Variants in HYCC1 observed in about 807,000 individuals in gnomAD.
The protein encoded by HYCC1 is hyccin PI4KA lipid kinase complex subunit 1.
At chr7:22,993,643 A>C in the HYCC1 span, among the ~76,000 whole-genome samples, 1 of 152,118 alleles carries the variant, frequency 6.6e-6, no homozygotes. Context: ...GTTAGTCATC[A>C]GGGAAATGTC....
the HYCC1 span, among the ~76,000 whole-genome samples, chr7:22,969,524 G>T: frequency 5.2e-3 from 517 of 99,122 alleles, 2 homozygotes; most frequent in African/African-American, 0.015. Flanking sequence ...GTTTTTTTTT[G>T]GTTTTTTTTT....
chr7:22,959,682 A>G, the HYCC1 span, among the ~76,000 whole-genome samples: 1 of 152,150 alleles, frequency 6.6e-6, no homozygotes, highest in Admixed American at 6.6e-5. Context: ...AGTGAATGAA[A>G]ATGACTTCCA....
the HYCC1 span, among the ~76,000 whole-genome samples, chr7:23,002,163 TATATATATATATAC>T: frequency 6.4e-3 from 421 of 65,352 alleles, 2 homozygotes; most frequent in Non-Finnish European, 9.1e-3. Flanking sequence ...TATATATATA[TATATATATATATAC>T]ATATAGTTTG....
At chr7:22,961,379 T>C in the HYCC1 span, 14 of 981,102 alleles carry the variant, frequency 1.4e-5, no homozygotes, top group Middle Eastern at 3.2e-4. Flanking sequence ...CTGAACAAAA[T>C]ACAATGAGAA....
At chr7:22,992,024 T>C in the HYCC1 span, among the ~76,000 whole-genome samples, 1 of 152,076 alleles carries the variant, frequency 6.6e-6, no homozygotes. Context: ...AAAATAGGGA[T>C]AATGACAGTA....
chr7:22,997,208 G>C, the HYCC1 span, among the ~76,000 whole-genome samples: 1 of 151,954 alleles, frequency 6.6e-6, no homozygotes, highest in African/African-American at 2.4e-5. Context: ...TGTCATCAGA[G>C]ACATATAACA....
the HYCC1 span, among the ~76,000 whole-genome samples, chr7:22,975,052 T>A: frequency 6.6e-6 from 1 of 152,230 alleles, no homozygotes; most frequent in African/African-American, 2.4e-5. Context: ...GTCTCGGGTA[T>A]TTCTTCATAG....
At chr7:22,951,035 A>G in the HYCC1 span, among the ~76,000 whole-genome samples, 1 of 151,998 alleles carries the variant, frequency 6.6e-6, no homozygotes, top group South Asian at 2.1e-4. Flanking sequence ...TAGAAATGAA[A>G]GTTAAAGAAT....
the HYCC1 span, among the ~76,000 whole-genome samples, chr7:22,977,828 T>C: frequency 3.9e-5 from 6 of 152,326 alleles, no homozygotes; most frequent in East Asian, 9.6e-4. Flanking sequence ...ATATAAACTC[T>C]ATTAGTAATG....
At chr7:22,901,826 T>G in the HYCC1 span, among the ~76,000 whole-genome samples, 1 of 152,086 alleles carries the variant, frequency 6.6e-6, no homozygotes, top group African/African-American at 2.4e-5. Flanking sequence ...AATTCTGCAA[T>G]CATAGTAAAA....
chr7:22,956,610 C>T, the HYCC1 span, among the ~76,000 whole-genome samples: 3 of 151,788 alleles, frequency 2.0e-5, no homozygotes, highest in South Asian at 2.1e-4. Context: ...TGAGGATGCA[C>T]TGTCTGGTCA....
At chr7:22,971,038 G>C in the HYCC1 span, among the ~76,000 whole-genome samples, 1 of 151,984 alleles carries the variant, frequency 6.6e-6, no homozygotes, top group Non-Finnish European at 1.5e-5. Context: ...TCTTGGAGAA[G>C]TTCTTAGCAT....
chr7:22,980,272 A>ATG, the HYCC1 span, among the ~76,000 whole-genome samples: 1 of 121,794 alleles, frequency 8.2e-6, no homozygotes, highest in African/African-American at 3.4e-5. Flanking sequence ...GCATTTTTTA[A>ATG]TGTTTTTTTT....
chr7:22,985,366 C>T, the HYCC1 span, among the ~76,000 whole-genome samples: 3 of 152,284 alleles, frequency 2.0e-5, no homozygotes, highest in South Asian at 4.1e-4. Flanking sequence ...AACCACAGCA[C>T]TCACCACAGG....
At chr7:22,899,541 T>C in the HYCC1 span, among the ~76,000 whole-genome samples, 6 of 152,154 alleles carry the variant, frequency 3.9e-5, no homozygotes, top group Non-Finnish European at 7.4e-5. Flanking sequence ...AATTTATAAT[T>C]CAATCATCAG....
chr7:22,952,294 T>C, the HYCC1 span, among the ~76,000 whole-genome samples: 3 of 152,108 alleles, frequency 2.0e-5, no homozygotes, highest in South Asian at 4.1e-4. Flanking sequence ...ATGGGTGGTC[T>C]GGGAAAACCT....
chr7:23,011,955 C>T, the HYCC1 span, among the ~76,000 whole-genome samples: 1 of 152,206 alleles, frequency 6.6e-6, no homozygotes, highest in African/African-American at 2.4e-5. Flanking sequence ...CTAGGCATAT[C>T]TCTATTCCCA....
the HYCC1 span, among the ~76,000 whole-genome samples, chr7:22,997,254 T>C: frequency 6.6e-6 from 1 of 152,178 alleles, no homozygotes; most frequent in African/African-American, 2.4e-5. Flanking sequence ...TAAAAGTATT[T>C]GTAACTTTCA....
the HYCC1 span, among the ~76,000 whole-genome samples, chr7:22,983,033 C>T: frequency 6.6e-6 from 1 of 151,864 alleles, no homozygotes; most frequent in African/African-American, 2.4e-5. Context: ...TACCTTCAAA[C>T]TAAATGGGCA....
Sources: allele counts gnomAD v4.1 joint callset (sites outside exome capture counted in the v4.1 genomes callset), GRCh38; gene constraint gnomAD v4.1.1; transcripts MANE v1.5; gene names NCBI Gene and HGNC (gene_info 2026-07-23, HGNC 2026-07-21).